The following PSMB5 variants were observed in gnomAD, a reference collection of about 807,000 sequenced individuals.
The protein encoded by PSMB5 is proteasome subunit beta type-5.
PSMB5 carries 2 observed loss-of-function variants against 22.8 expected under a neutral mutation model. That is an observed-to-expected ratio of 0.09 (90% confidence interval 0.04 to 0.28). PSMB5 has a LOEUF of 0.28. Among genes scored for constraint, PSMB5 ranks in the 10% least tolerant of loss-of-function variants. The pLI, the probability that PSMB5 is intolerant of heterozygous loss-of-function variation, is 1.00. For missense variants in PSMB5, 269 were observed against 343.8 expected, an observed-to-expected ratio of 0.78 and a Z score of 1.72; for synonymous variants, 133 against 135.3, an observed-to-expected ratio of 0.98 and a Z score of 0.12.
At chr14:23,027,676 A>C in intron 2 of PSMB5, 3 of 1,187,086 alleles carry the variant, frequency 2.5e-6, no homozygotes, top group Non-Finnish European at 3.5e-6. Flanking sequence ...TGAAGGAATA[A>C]AATTTAATAT....
chr14:23,034,621 C>G (rs780251297), intron 1 of PSMB5, 63 bp downstream of exon 1: 2 of 1,576,740 alleles, frequency 1.3e-6, no homozygotes, highest in Non-Finnish European at 1.7e-6. Flanking sequence ...TCCGGTCAGG[C>G]TGGGAGGCCA....
At position 23,025,956 on chromosome 14, in the gene PSMB5, G is replaced by T; in HGVS notation, c.*133C>A. ...ACTGGTAACACATAGAGGTCAATGT[G>T]CCAGAGCTTAAAAAAAAGTACTGAT... On this transcript the variant is annotated 3_prime_UTR_variant, in exon 3 of 3. Coordinates refer to ENST00000361611, the MANE Select transcript of PSMB5 (RefSeq NM_002797.5). The T allele has an allele frequency of 6.6e-7, 1 of 1,507,602 alleles. No homozygotes were observed. Among genetic ancestry groups the T allele is most frequent in the South Asian group, 1.3e-5 (1 of 74,140 alleles). 93.4% of individuals were successfully genotyped at this position (1,507,602 alleles called of 1,614,324 possible).
Position 23,026,374 on chromosome 14 carries a change from G to T in PSMB5, c.507C>A (p.Gly169=). Residue 169 remains glycine (G), a splice_region_variant and synonymous_variant, in exon 3 of 3, where the codon GGC becomes GGA. Transcript: ENST00000361611. ...MICGWDKRGP[G]LYYVDSEGNR... ...TCCCTTCACTGTCCACGTAGTAGAGGCCTGGAAAGGGAGATGAGGTTAGCA... is the reference window on the plus strand; with the variant it reads ...TCCCTTCACTGTCCACGTAGTAGAGTCCTGGAAAGGGAGATGAGGTTAGCA... The T allele has an allele frequency of 2.5e-6, 4 of 1,613,084 alleles. No homozygotes were observed. In the South Asian group the frequency reaches 3.3e-5, roughly 13 times the overall value.
At chr14:23,029,264 C>G (rs774683322) in intron 2 of PSMB5, among the ~76,000 whole-genome samples, 2 of 152,028 alleles carry the variant, frequency 1.3e-5, no homozygotes, top group Non-Finnish European at 2.9e-5. Context: ...GTGCCATGCT[C>G]TCTTGCCTAG....
Position 23,026,000 on chromosome 14 carries a change from A to C in PSMB5, c.*89T>G. On this transcript the variant is annotated 3_prime_UTR_variant, in exon 3 of 3. Transcript: ENST00000361611. Reference sequence around the variant, plus strand: ...TACTGATACAATTGAAGGCCCTTCCACTATAAATAGGATGGAGGATGGGTC... The same window carrying C: ...TACTGATACAATTGAAGGCCCTTCCCCTATAAATAGGATGGAGGATGGGTC... 1 of 1,556,134 alleles carries C rather than the reference A, an allele frequency of 6.4e-7. No individual in the cohort carries two copies. The highest frequency in any genetic ancestry group is 8.7e-7 in the Non-Finnish European group (1 of 1,150,350).
intron 2 of PSMB5, among the ~76,000 whole-genome samples, chr14:23,032,282 T>C (rs2046958326): frequency 6.6e-6 from 1 of 151,840 alleles, no homozygotes; most frequent in Admixed American, 6.6e-5. Context: ...CCATCTCTAC[T>C]AAAAATATAA....
At chr14:23,030,386 G>C (rs958101860) in intron 2 of PSMB5, among the ~76,000 whole-genome samples, 13 of 152,036 alleles carry the variant, frequency 8.6e-5, no homozygotes, top group African/African-American at 2.2e-4. Flanking sequence ...CTACTCGGGA[G>C]GCTGAGGCAG....
At chr14:23,028,535 C>T (rs1377790422) in intron 2 of PSMB5, among the ~76,000 whole-genome samples, 1 of 152,074 alleles carries the variant, frequency 6.6e-6, no homozygotes, top group Non-Finnish European at 1.5e-5. Flanking sequence ...AAAAGCGTAG[C>T]TAGTATAAAA....
rs747958137 is a variant in PSMB5 at position 23,026,054 on chromosome 14, C to A, written c.*35G>T. Reference sequence around the variant, plus strand: ...GTGTCCGTATTACCAATGACAGTCACCCCAAGAAACACAAGCAGCTGCATC... The same window carrying A: ...GTGTCCGTATTACCAATGACAGTCAACCCAAGAAACACAAGCAGCTGCATC... On this transcript the variant is annotated 3_prime_UTR_variant, in exon 3 of 3. Transcript: ENST00000361611. 3.7e-6 allele frequency: 6 copies of A among 1,607,056 alleles called. No individual in the cohort carries two copies. Among genetic ancestry groups the A allele is most frequent in the Non-Finnish European group, 4.3e-6 (5 of 1,175,574 alleles).
intron 2 of PSMB5, among the ~76,000 whole-genome samples, chr14:23,030,167 C>T (rs1013701993): frequency 3.9e-5 from 6 of 152,006 alleles, no homozygotes; most frequent in Admixed American, 3.3e-4. Context: ...CATGAGCCAC[C>T]ATGCCCAGCC....
rs767417922 is a variant in PSMB5 at position 23,033,483 on chromosome 14, C to T, written c.390G>A (p.Lys130=). 1 of 1,614,006 alleles carries T rather than the reference C, an allele frequency of 6.2e-7. No homozygotes were observed. Among genetic ancestry groups the T allele is most frequent in the Admixed American group, 1.7e-5 (1 of 59,980 alleles). ...RQCRIYELRN[K]ERISVAAASK... is the part of the protein sequence containing the mutation. ...AGGCAGCTGCTACAGAGATGCGTTC[C>T]TTATTTCGAAGCTCATAGATTCGAC... is the stretch of plus-strand genomic sequence containing the variant. The change falls in exon 2 of 3, where the codon AAG becomes AAA. Residue 130 remains lysine, a synonymous_variant. Coordinates refer to ENST00000361611, the MANE Select transcript of PSMB5 (RefSeq NM_002797.5).
intron 1 of PSMB5, 39 bp downstream of exon 1, chr14:23,034,645 C>T: frequency 6.2e-7 from 1 of 1,601,058 alleles, no homozygotes; most frequent in Non-Finnish European, 8.5e-7. Context: ...AAGTCGCGGG[C>T]GTTCAGTACT....
At chr14:23,034,585 G>C in intron 1 of PSMB5, 99 bp downstream of exon 1, 1 of 1,409,588 alleles carries the variant, frequency 7.1e-7, no homozygotes, top group Non-Finnish European at 9.6e-7. Flanking sequence ...CCTCCGCCTG[G>C]GTTGGTGGCC....
At chr14:23,030,276 T>C (rs1032036449) in intron 2 of PSMB5, among the ~76,000 whole-genome samples, 1 of 150,446 alleles carries the variant, frequency 6.6e-6, no homozygotes, top group East Asian at 2.1e-4. Context: ...GATCATGAGG[T>C]CAGGAGATTG....
At chr14:23,034,954 C>T (rs902473780), upstream of PSMB5, 1 of 1,530,618 alleles carries the variant, frequency 6.5e-7, no homozygotes, top group African/African-American at 1.4e-5. Flanking sequence ...CTCGCCGTCA[C>T]AGCTTCACTT....
chr14:23,034,628 G>A (rs1330373351), intron 1 of PSMB5, 56 bp downstream of exon 1: 3 of 1,585,904 alleles, frequency 1.9e-6, no homozygotes, highest in Admixed American at 1.7e-5. Context: ...AGGCTGGGAG[G>A]CCAGGCAAGT....
Position 23,026,185 on chromosome 14 carries a change from T to C in PSMB5, c.696A>G (p.Ala232=). 2 of 1,614,156 alleles carry C rather than the reference T, an allele frequency of 1.2e-6. No individual in the cohort carries two copies. Residue 232 remains alanine (A), a synonymous_variant, in exon 3 of 3, where the codon GCA becomes GCG. Coordinates refer to ENST00000361611, the MANE Select transcript of PSMB5 (RefSeq NM_002797.5). ...CCTCCCGCACGTGGTAGAGGTTGAC[T>C]GCACCTCCTGAGTAGGCATCTCTGT... is the stretch of plus-strand genomic sequence containing the variant. ...ATYRDAYSGG[A]VNLYHVREDG...
chr14:23,032,905 A>G (rs768131521), intron 2 of PSMB5, among the ~76,000 whole-genome samples: 8 of 130,478 alleles, frequency 6.1e-5, no homozygotes, highest in Non-Finnish European at 1.3e-4. Context: ...CCTTCAACGA[A>G]TTCTTAAATT....
At chr14:23,034,909 C>T (rs2139925037), upstream of PSMB5, 1 of 1,605,262 alleles carries the variant, frequency 6.2e-7, no homozygotes, top group Non-Finnish European at 8.5e-7. Context: ...AGAACTAATT[C>T]TGAGAACGCC....
Sources: allele counts gnomAD v4.1 joint callset (sites outside exome capture counted in the v4.1 genomes callset), GRCh38; gene constraint gnomAD v4.1.1; transcripts MANE v1.5; gene names NCBI Gene and HGNC (gene_info 2026-07-23, HGNC 2026-07-21).